The following TRPM3 variants were observed in gnomAD, a reference collection of about 807,000 sequenced individuals.
The protein encoded by TRPM3 is long transient receptor potential channel 3.
A neutral mutation model predicts 181.2 loss-of-function variants in TRPM3; 77 were observed. That is an observed-to-expected ratio of 0.42 (90% CI 0.35 to 0.51). The LOEUF (loss-of-function observed/expected upper bound fraction) is 0.51. TRPM3 is among the 20% of genes least tolerant of loss of function. The pLI is 0.01. For missense variants in TRPM3, 1,759 were observed against 2,196.7 expected (o/e 0.80, Z 3.98); for synonymous variants, 745 against 796.4 (o/e 0.94, Z 1.09).
chr9:71,106,418 T>C (rs1322124568), intron 1 of TRPM3, among the ~76,000 whole-genome samples: 1 of 152,006 alleles, frequency 6.6e-6, no homozygotes, highest in African/African-American at 2.4e-5. Flanking sequence ...ACAGATCTGG[T>C]TGTTTAAATA....
intron 1 of TRPM3, among the ~76,000 whole-genome samples, chr9:71,030,193 T>C (rs763333441): frequency 6.6e-6 from 1 of 152,354 alleles, no homozygotes; most frequent in South Asian, 2.1e-4. Flanking sequence ...GCTACTTTTA[T>C]AGTTAGAGAA....
intron 8 of TRPM3, among the ~76,000 whole-genome samples, chr9:70,750,713 G>A (rs2075989851): frequency 6.6e-6 from 1 of 152,174 alleles, no homozygotes; most frequent in Non-Finnish European, 1.5e-5. Context: ...AAGCTTTCAA[G>A]ACTGAGAAAA....
chr9:71,219,445 C>G (rs544536285), intron 1 of TRPM3, among the ~76,000 whole-genome samples: 1 of 152,208 alleles, frequency 6.6e-6, no homozygotes, highest in East Asian at 1.9e-4. Flanking sequence ...ATCAACTAGC[C>G]TAGTCATTTA....
Position 71,149,560 on chromosome 9 carries a change from G to A in TRPM3, c.184-285049C>T, listed in dbSNP as rs151331738. Among the ~76,000 whole-genome samples, 709 of 152,208 alleles carry A rather than the reference G, an allele frequency of 4.7e-3. 6 individuals carry two copies. The highest frequency in any genetic ancestry group is 0.016 in the African/African-American group (683 of 41,532). On this transcript the variant is annotated intron_variant, in intron 1 of 24. Transcript: ENST00000357533. The stretch of plus-strand genomic sequence containing the variant: ...ATAGCCTCCCACCCTACCAAACTAT[G>A]CACAGGTACATGTGAGTTAAACAGG...
chr9:70,956,908 TC>T (rs1195333953), intron 1 of TRPM3, among the ~76,000 whole-genome samples: 1 of 151,732 alleles, frequency 6.6e-6, no homozygotes, highest in African/African-American at 2.4e-5. Context: ...AAAAATTTCT[TC>T]TAAATTTTGA....
intron 5 of TRPM3, among the ~76,000 whole-genome samples, chr9:70,830,086 A>C (rs2093798405): frequency 6.6e-6 from 1 of 152,168 alleles, no homozygotes; most frequent in African/African-American, 2.4e-5. Flanking sequence ...GTAAGACCAA[A>C]GCAGTCTGTG....
At chr9:71,055,099 G>T (rs1175330441) in intron 1 of TRPM3, among the ~76,000 whole-genome samples, 1 of 152,076 alleles carries the variant, frequency 6.6e-6, no homozygotes, top group African/African-American at 2.4e-5. Flanking sequence ...TCATGTTAAG[G>T]TTAGAGCTTA....
At chr9:70,941,624 GCTCTGGGATGGGGTA>G (rs1450486733) in intron 1 of TRPM3, among the ~76,000 whole-genome samples, 1 of 152,132 alleles carries the variant, frequency 6.6e-6, no homozygotes, top group Non-Finnish European at 1.5e-5. Context: ...TGTGGTATCT[GCTCTGGGATGGGGTA>G]CTCCCATGGC....
intron 1 of TRPM3, among the ~76,000 whole-genome samples, chr9:70,903,110 A>T (rs916498196): frequency 6.6e-6 from 1 of 152,238 alleles, no homozygotes; most frequent in African/African-American, 2.4e-5. Context: ...AACCAAATCC[A>T]GCACAAAAGA....
chr9:71,167,591 A>G (rs1312639591), intron 1 of TRPM3, among the ~76,000 whole-genome samples: 2 of 152,146 alleles, frequency 1.3e-5, no homozygotes, highest in African/African-American at 4.8e-5. Flanking sequence ...TCCACTCCTT[A>G]CAGAAGTTAA....
intron 1 of TRPM3, among the ~76,000 whole-genome samples, chr9:70,977,295 C>T (rs1055834427): frequency 1.7e-4 from 26 of 152,258 alleles, no homozygotes; most frequent in Non-Finnish European, 2.8e-4. Context: ...CCACCATGCC[C>T]GGCTAATTTT....
chr9:71,080,125 G>A (rs948651676), intron 1 of TRPM3, among the ~76,000 whole-genome samples: 2 of 150,934 alleles, frequency 1.3e-5, no homozygotes, highest in African/African-American at 4.9e-5. Flanking sequence ...AGCCAAGATC[G>A]CACCAATGCA....
intron 1 of TRPM3, among the ~76,000 whole-genome samples, chr9:71,141,834 C>T (rs1352651077): frequency 3.3e-5 from 5 of 152,084 alleles, no homozygotes; most frequent in Non-Finnish European, 7.4e-5. Flanking sequence ...TTGGCAATGA[C>T]CTTTTGATTT....
chr9:71,149,394 C>A (rs1244769358), intron 1 of TRPM3, among the ~76,000 whole-genome samples: 2 of 151,920 alleles, frequency 1.3e-5, no homozygotes, highest in South Asian at 2.1e-4. Context: ...CAGAGTGAGA[C>A]CCTGTCTCAA....
chr9:70,597,940 G>C lies in TRPM3; in HGVS notation c.3048+479C>G, dbSNP rs536596508. ...AAAATACAGGATCTTCAAAAAATCT[G>C]TTAAAAATTTGTAGTGGAGACCCAT... On this transcript the variant is annotated intron_variant, in intron 21 of 25. Coordinates refer to ENST00000677713, the MANE Select transcript of TRPM3 (RefSeq NM_001366145.2). Among the ~76,000 whole-genome samples the C allele has an allele frequency of 3.9e-5, 6 of 152,234 alleles. No individual in the cohort carries two copies. The East Asian group carries it at 1.2e-3, about 29-fold the overall frequency.
chr9:71,025,202 C>G (rs1207913174), intron 1 of TRPM3, among the ~76,000 whole-genome samples: 1 of 152,218 alleles, frequency 6.6e-6, no homozygotes, highest in Non-Finnish European at 1.5e-5. Flanking sequence ...TTCCAGCCTC[C>G]TTGATTAAAT....
At chr9:71,386,344 G>T (rs542062051) in intron 1 of TRPM3, among the ~76,000 whole-genome samples, 1 of 151,856 alleles carries the variant, frequency 6.6e-6, no homozygotes. Flanking sequence ...AGCTACTTGG[G>T]AGGCTGAGAC....
intron 1 of TRPM3, among the ~76,000 whole-genome samples, chr9:71,417,865 G>C (rs2093660600): frequency 6.6e-6 from 1 of 151,850 alleles, no homozygotes; most frequent in African/African-American, 2.4e-5. Context: ...TGATTTGCCT[G>C]TACTTGATAT....
chr9:71,400,636 AAAT>A (rs2093320642), intron 1 of TRPM3, among the ~76,000 whole-genome samples: 1 of 151,980 alleles, frequency 6.6e-6, no homozygotes, highest in Admixed American at 6.5e-5. Context: ...AAATTTTTTG[AAAT>A]TATTTATTGC....
Sources: gnomAD v4.1 joint callset for allele counts (sites outside exome capture counted in the v4.1 genomes callset) on GRCh38, gnomAD v4.1.1 for gene constraint, MANE v1.5 for transcripts, NCBI Gene and HGNC (gene_info 2026-07-23, HGNC 2026-07-21) for gene names.